Variants in RIMBP2 observed in about 807,000 individuals in gnomAD.
The protein encoded by RIMBP2 is RIMS binding protein 2, also known as RIMS-binding protein 2.
In RIMBP2, 48 loss-of-function variants were observed where a neutral mutation model predicts 118.6. That is an observed-to-expected ratio of 0.40 (90% CI 0.32 to 0.51). The LOEUF (loss-of-function observed/expected upper bound fraction) is 0.51. RIMBP2 is among the 20% of genes least tolerant of loss of function. RIMBP2 has a pLI of 0.41. For missense variants in RIMBP2, 1,551 were observed against 1,768.3 expected, an observed-to-expected ratio of 0.88 and a Z score of 2.20; for synonymous variants, 762 against 742.9, an observed-to-expected ratio of 1.03 and a Z score of -0.42.
At position 130,696,952 on chromosome 12, in the gene RIMBP2, G is replaced by A. The variant is rs116541109; in HGVS notation, c.-352+19270C>T. ...CTACAAATCATCTCACGTGGCTAAA[G>A]GGAGAGGTGAACGGGGGCTGTAAGG... On this transcript the variant is annotated intron_variant, in intron 1 of 22. Coordinates refer to ENST00000690449, the MANE Select transcript of RIMBP2 (RefSeq NM_001393629.1). Among the ~76,000 whole-genome samples, 598 of 152,306 alleles carry A rather than the reference G, an allele frequency of 3.9e-3. 4 individuals are homozygous for A. The highest frequency in any genetic ancestry group is 0.014 in the African/African-American group (563 of 41,560).
At chr12:130,693,829 C>T (rs1279055395) in intron 1 of RIMBP2, among the ~76,000 whole-genome samples, 10 of 152,194 alleles carry the variant, frequency 6.6e-5, no homozygotes, top group Non-Finnish European at 1.5e-5. Context: ...CTTTCTCTTG[C>T]CCCTCGTCCA....
intron 1 of RIMBP2, among the ~76,000 whole-genome samples, chr12:130,662,664 A>C (rs2063712458): frequency 6.6e-6 from 1 of 152,008 alleles, no homozygotes; most frequent in Non-Finnish European, 1.5e-5. Flanking sequence ...CAAAAAAAAA[A>C]ATCTGGATAG....
At position 130,682,297 on chromosome 12, in the gene RIMBP2, G is replaced by A. The variant is rs181809846; in HGVS notation, c.-352+33925C>T. Among the ~76,000 whole-genome samples the A allele has an allele frequency of 2.0e-3, 301 of 152,312 alleles. 4 individuals are homozygous for A. Among genetic ancestry groups the A allele is most frequent in the Middle Eastern group, 0.01 (3 of 294 alleles). On this transcript the variant is annotated intron_variant, in intron 1 of 22. Coordinates refer to ENST00000690449, the MANE Select transcript of RIMBP2 (RefSeq NM_001393629.1). Reference sequence around the variant, plus strand: ...CCCCTACTGCCGGCTGGATGCTGGGGCCTCTGGGGCCCTGGAGCACCGCCA... The same window carrying A: ...CCCCTACTGCCGGCTGGATGCTGGGACCTCTGGGGCCCTGGAGCACCGCCA...
chr12:130,542,664 C>T (rs2054721622), intron 2 of RIMBP2, among the ~76,000 whole-genome samples: 2 of 152,176 alleles, frequency 1.3e-5, no homozygotes, highest in African/African-American at 4.8e-5. Context: ...GGAAGGAGAA[C>T]ACAGAGGCCA....
chr12:130,550,310 C>T (rs763628025), intron 2 of RIMBP2, among the ~76,000 whole-genome samples: 21 of 152,162 alleles, frequency 1.4e-4, no homozygotes, highest in Non-Finnish European at 2.2e-4. Context: ...TTAAGAGATA[C>T]ACATAGAGAA....
intron 3 of RIMBP2, among the ~76,000 whole-genome samples, chr12:130,507,554 C>T (rs2050486863): frequency 6.6e-6 from 1 of 152,178 alleles, no homozygotes; most frequent in African/African-American, 2.4e-5. Flanking sequence ...AGAATGCATT[C>T]CCCCAATAAA....
chr12:130,666,408 T>C (rs2063917280), intron 1 of RIMBP2, among the ~76,000 whole-genome samples: 1 of 152,140 alleles, frequency 6.6e-6, no homozygotes. Flanking sequence ...CCAAGCAGTA[T>C]TGTCTTCCTT....
In RIMBP2 at chr12:130,488,330, A is replaced by C. The variant is rs1006716947; in HGVS notation, c.-3-9314T>G. Among the ~76,000 whole-genome samples, 10 of 152,040 alleles carry C rather than the reference A, an allele frequency of 6.6e-5. 1 individual carries two copies. The East Asian group carries it at 1.9e-3, about 29-fold the overall frequency. ...TAGAGTGAAGTGGATGGCGAAAAAA[A>C]AGTTTAAGCCAAAAATAGGAGAGAT... On this transcript the variant is annotated intron_variant, in intron 4 of 22. Transcript: ENST00000690449.
At chr12:130,711,083 A>AAAT (rs1462927825) in intron 1 of RIMBP2, among the ~76,000 whole-genome samples, 1 of 152,196 alleles carries the variant, frequency 6.6e-6, no homozygotes, top group Non-Finnish European at 1.5e-5. Flanking sequence ...TCTCTATTAA[A>AAAT]AATACAAAAC....
chr12:130,437,494 A>G (rs1319372716), intron 12 of RIMBP2, among the ~76,000 whole-genome samples: 1 of 152,200 alleles, frequency 6.6e-6, no homozygotes, highest in Admixed American at 6.5e-5. Context: ...CTCAGGCCCC[A>G]GGACCCAATC....
At chr12:130,594,914 G>A (rs1032125319) in intron 2 of RIMBP2, among the ~76,000 whole-genome samples, 12 of 152,184 alleles carry the variant, frequency 7.9e-5, no homozygotes, top group African/African-American at 2.7e-4. Context: ...TATTCTTGCC[G>A]GGGAGTAATA....
intron 1 of RIMBP2, among the ~76,000 whole-genome samples, chr12:130,682,345 G>A (rs906296770): frequency 6.6e-6 from 1 of 152,212 alleles, no homozygotes; most frequent in African/African-American, 2.4e-5. Flanking sequence ...AAGAAACCTG[G>A]GTTCCTGAGT....
chr12:130,649,521 C>T (rs1352494293), intron 1 of RIMBP2, among the ~76,000 whole-genome samples: 2 of 152,222 alleles, frequency 1.3e-5, no homozygotes, highest in African/African-American at 4.8e-5. Context: ...TGTGCCCCTC[C>T]GCTGAGAAGT....
chr12:130,422,441 G>A lies in RIMBP2; in HGVS notation c.3238+12C>T. 1 of 1,577,416 alleles carries A rather than the reference G, an allele frequency of 6.3e-7. No individual in the cohort carries two copies. Among genetic ancestry groups the A allele is most frequent in the Non-Finnish European group, 8.7e-7 (1 of 1,148,444 alleles). ...GGCTGAAAGACACAACAGCGATGAT[G>A]GGGCCACTAACCGATGGATGGGACT... On this transcript the variant is annotated intron_variant, in intron 17 of 22. Coordinates refer to ENST00000690449, the MANE Select transcript of RIMBP2 (RefSeq NM_001393629.1). This position sits in a 1 kb window ranked among gnomAD's most constrained non-coding sequence, Gnocchi z 5.2.
chr12:130,448,658 C>T (rs890223392), intron 9 of RIMBP2, among the ~76,000 whole-genome samples: 4 of 152,224 alleles, frequency 2.6e-5, no homozygotes, highest in Admixed American at 6.5e-5. Flanking sequence ...TGGCCCTGTG[C>T]GTCTGCATGC....
intron 1 of RIMBP2, among the ~76,000 whole-genome samples, chr12:130,689,184 C>A (rs986603998): frequency 1.3e-5 from 2 of 152,194 alleles, no homozygotes; most frequent in Non-Finnish European, 2.9e-5. Flanking sequence ...CACAGTGGCT[C>A]ACGCCTGTAA....
At chr12:130,409,508 A>AATTTTTTTGT (rs1333608517) in intron 19 of RIMBP2, among the ~76,000 whole-genome samples, 5 of 151,588 alleles carry the variant, frequency 3.3e-5, no homozygotes, top group Admixed American at 2.0e-4. Flanking sequence ...ACGCCCGGCT[A>AATTTTTTTGT]ATTTTTTTGT....
intron 1 of RIMBP2, among the ~76,000 whole-genome samples, chr12:130,637,536 A>G (rs953229629): frequency 6.6e-6 from 1 of 152,256 alleles, no homozygotes; most frequent in Non-Finnish European, 1.5e-5. Context: ...CTGGGAACAT[A>G]TAATAAGAGT....
At chr12:130,560,944 G>C (rs1216493321) in intron 2 of RIMBP2, among the ~76,000 whole-genome samples, 8 of 152,242 alleles carry the variant, frequency 5.3e-5, no homozygotes, top group African/African-American at 1.4e-4. Flanking sequence ...TAGTAAGTCA[G>C]GGGAAGGCCA....
Sources: allele counts gnomAD v4.1 joint callset (sites outside exome capture counted in the v4.1 genomes callset), GRCh38; gene constraint gnomAD v4.1.1; non-coding constraint Gnocchi (gnomAD v3.1); transcripts MANE v1.5; gene names NCBI Gene and HGNC (gene_info 2026-07-23, HGNC 2026-07-21).